RETREG1: variants seen among roughly 807,000 people sequenced by gnomAD.
RETREG1 encodes reticulophagy regulator 1, also known as family with sequence similarity 134 member B.
RETREG1 carries 44 observed loss-of-function variants against 54.8 expected under a neutral mutation model. That is an observed-to-expected ratio of 0.80 (90% CI 0.63 to 1.03). The LOEUF (loss-of-function observed/expected upper bound fraction) is 1.03, where lower values mean the gene tolerates loss of function less well. Ranked by LOEUF, RETREG1 falls within the 50% of genes least tolerant of loss-of-function variation. The pLI is 0.00. For synonymous variants in RETREG1, 217 were observed against 238.5 expected (o/e 0.91, Z 0.83); for missense variants, 554 against 605.1 (o/e 0.92, Z 0.89).
chr5:16,577,904 C>T (rs1170462177), intron 1 of RETREG1, among the ~76,000 whole-genome samples: 1 of 152,176 alleles, frequency 6.6e-6, no homozygotes, highest in Non-Finnish European at 1.5e-5. Flanking sequence ...GTGAGGCCTC[C>T]TCAGCCACGT....
At chr5:16,606,983 C>T (rs910287852) in intron 1 of RETREG1, among the ~76,000 whole-genome samples, 1 of 152,160 alleles carries the variant, frequency 6.6e-6, no homozygotes, top group African/African-American at 2.4e-5. Context: ...ACTCCCACCC[C>T]AGGGCTTTTG....
At chr5:16,565,945 G>T in intron 2 of RETREG1, 152 bp from the exon 3 acceptor site, 2 of 813,092 alleles carry the variant, frequency 2.5e-6, no homozygotes, top group Non-Finnish European at 4.1e-6. Context: ...TACACTGCTG[G>T]CACCATGGCT....
At chr5:16,609,667 G>A (rs143759350) in intron 1 of RETREG1, among the ~76,000 whole-genome samples, 228 of 152,246 alleles carry the variant, frequency 1.5e-3, no homozygotes, top group Non-Finnish European at 2.5e-3. Flanking sequence ...ACAGGACAGC[G>A]GTGAGTGGAA....
intron 1 of RETREG1, among the ~76,000 whole-genome samples, chr5:16,598,659 C>T (rs771790957): frequency 6.6e-6 from 1 of 152,252 alleles, no homozygotes; most frequent in Non-Finnish European, 1.5e-5. Context: ...ATTTGTCATA[C>T]CAAACTAGTT....
intron 1 of RETREG1, among the ~76,000 whole-genome samples, chr5:16,603,782 A>G (rs1454931536): frequency 6.6e-6 from 1 of 151,794 alleles, no homozygotes; most frequent in African/African-American, 2.4e-5. Flanking sequence ...ACGCTACACC[A>G]CAAAGCAGTG....
At chr5:16,555,313 G>A (rs1175673862) in intron 3 of RETREG1, among the ~76,000 whole-genome samples, 5 of 152,064 alleles carry the variant, frequency 3.3e-5, no homozygotes, top group East Asian at 1.9e-4. Context: ...CAACACACTC[G>A]GCTACATTTC....
chr5:16,477,945 T>C (rs1482693876), intron 7 of RETREG1, 89 bp downstream of exon 7: 11 of 1,343,750 alleles, frequency 8.2e-6, no homozygotes, highest in Non-Finnish European at 9.4e-6. Flanking sequence ...ATATGAGGAG[T>C]TTATTAGGAA....
chr5:16,522,335 A>G (rs989940461), intron 3 of RETREG1, among the ~76,000 whole-genome samples: 2 of 152,206 alleles, frequency 1.3e-5, no homozygotes, highest in Non-Finnish European at 2.9e-5. Flanking sequence ...GTCTGGAGAT[A>G]AACTATGTGT....
chr5:16,613,160 G>C (rs1743395188), intron 1 of RETREG1, among the ~76,000 whole-genome samples: 1 of 151,740 alleles, frequency 6.6e-6, no homozygotes, highest in Non-Finnish European at 1.5e-5. Flanking sequence ...CATAGCATCT[G>C]AGGCAACTAC....
In RETREG1 at chr5:16,608,578, G is replaced by A. The variant is rs187058053; in HGVS notation, c.320+8074C>T. 3.4e-4 allele frequency among the ~76,000 whole-genome samples: 52 copies of A among 152,264 alleles called. No individual in the cohort carries two copies. The East Asian group carries it at 7.2e-3, about 21-fold the overall frequency. On this transcript the variant is annotated intron_variant, in intron 1 of 8. Coordinates refer to ENST00000306320, the MANE Select transcript of RETREG1 (RefSeq NM_001034850.3). ...AGACCATGACATGCAATTTGGAACT[G>A]TGACATACTCTCTCAATCGATTCAC...
intron 3 of RETREG1, among the ~76,000 whole-genome samples, chr5:16,488,224 T>A (rs985998205): frequency 6.6e-6 from 1 of 152,198 alleles, no homozygotes; most frequent in Non-Finnish European, 1.5e-5. Context: ...GGAGCTGATA[T>A]ACCCAACCCA....
intron 1 of RETREG1, among the ~76,000 whole-genome samples, chr5:16,577,269 G>C (rs931348547): frequency 6.6e-6 from 1 of 150,418 alleles, no homozygotes; most frequent in Non-Finnish European, 1.5e-5. Flanking sequence ...GGATCTAGAG[G>C]CTTGATAAGA....
chr5:16,514,979 A>AT (rs1491114141), intron 3 of RETREG1, among the ~76,000 whole-genome samples: 12 of 148,062 alleles, frequency 8.1e-5, no homozygotes, highest in African/African-American at 1.2e-4. Context: ...ATATATATAT[A>AT]AAATTTTCTT....
At chr5:16,488,250 A>C (rs1478670285) in intron 3 of RETREG1, among the ~76,000 whole-genome samples, 1 of 152,208 alleles carries the variant, frequency 6.6e-6, no homozygotes, top group Non-Finnish European at 1.5e-5. Context: ...AACAAAGAAA[A>C]TCTATGCAAC....
chr5:16,578,045 G>A (rs1047146953), intron 1 of RETREG1, among the ~76,000 whole-genome samples: 1 of 152,126 alleles, frequency 6.6e-6, no homozygotes, highest in Non-Finnish European at 1.5e-5. Flanking sequence ...GAACTCAAGA[G>A]TTTGAACATA....
At chr5:16,511,034 T>C (rs994791889) in intron 3 of RETREG1, among the ~76,000 whole-genome samples, 4 of 152,218 alleles carry the variant, frequency 2.6e-5, no homozygotes, top group Admixed American at 2.6e-4. Flanking sequence ...CTCTTAATTG[T>C]AAAGGATGAT....
intron 3 of RETREG1, among the ~76,000 whole-genome samples, chr5:16,537,978 C>T (rs572634440): frequency 4.6e-5 from 7 of 152,084 alleles, no homozygotes; most frequent in African/African-American, 1.2e-4. Flanking sequence ...GTTTTAGAGG[C>T]GGAAGGAACT....
At position 16,561,832 on chromosome 5, in the gene RETREG1, G is replaced by C. The variant is rs571627881; in HGVS notation, c.458+3931C>G. Among the ~76,000 whole-genome samples, 8 of 152,352 alleles carry C rather than the reference G, an allele frequency of 5.3e-5. No individual in the cohort carries two copies. In the South Asian group the frequency reaches 1.7e-3, roughly 32 times the overall value. On this transcript the variant is annotated intron_variant, in intron 3 of 8. Transcript: ENST00000306320. This position sits in a 1 kb window ranked among gnomAD's most constrained non-coding sequence, Gnocchi z 4.2. ...GGGTTGTGGGTGCAAGAAAGAAGGG[G>C]AGAAAATACCTTGACCAGTCAAACT...
At chr5:16,493,114 G>T (rs933299627) in intron 3 of RETREG1, among the ~76,000 whole-genome samples, 1 of 151,910 alleles carries the variant, frequency 6.6e-6, no homozygotes, top group Non-Finnish European at 1.5e-5. Context: ...AGTTTAAAAC[G>T]ACTCAGAGAT....
Sources: gnomAD v4.1 joint callset for allele counts (sites outside exome capture counted in the v4.1 genomes callset) on GRCh38, gnomAD v4.1.1 for gene constraint, Gnocchi (gnomAD v3.1) non-coding constraint, MANE v1.5 for transcripts, NCBI Gene and HGNC (gene_info 2026-07-23, HGNC 2026-07-21) for gene names.